The following SNW1 variants were observed in gnomAD, a reference collection of about 807,000 sequenced individuals.
SNW1 encodes SNW domain-containing protein 1.
SNW1 carries 9 observed loss-of-function variants against 75.6 expected under a neutral mutation model. The observed-to-expected ratio is 0.12, with a 90% CI of 0.07 to 0.21. SNW1 has a LOEUF of 0.21. Among genes scored for constraint, SNW1 ranks in the 10% least tolerant of loss-of-function variants. The pLI is 1.00. For synonymous variants in SNW1, 200 were observed against 219.1 expected, an observed-to-expected ratio of 0.91 and a Z score of 0.77; for missense variants, 409 against 670.9, an observed-to-expected ratio of 0.61 and a Z score of 4.31.
chr14:77,724,613 G>A (rs926951611), intron 10 of SNW1, among the ~76,000 whole-genome samples: 1 of 152,118 alleles, frequency 6.6e-6, no homozygotes, highest in Non-Finnish European at 1.5e-5. Context: ...TTCAGTATTC[G>A]TTTTTCTGTG....
intron 5 of SNW1, 72 bp from the exon 6 acceptor site, chr14:77,737,147 A>G (rs1448209282): frequency 8.5e-6 from 9 of 1,062,964 alleles, no homozygotes; most frequent in African/African-American, 6.3e-5. Context: ...TTCTATTACA[A>G]TCTTAAGCTA....
chr14:77,752,807 T>C (rs2080818671), intron 2 of SNW1, among the ~76,000 whole-genome samples: 2 of 152,224 alleles, frequency 1.3e-5, no homozygotes, highest in African/African-American at 4.8e-5. Flanking sequence ...CTCCGTTAGA[T>C]CTAAGATATA....
At chr14:77,754,859 C>A in intron 2 of SNW1, 108 bp downstream of exon 2, 2 of 989,924 alleles carry the variant, frequency 2.0e-6, no homozygotes, top group Non-Finnish European at 2.9e-6. Flanking sequence ...GAATTTCTAT[C>A]ACACTGACAT....
At chr14:77,738,701 T>A in intron 5 of SNW1, 77 bp downstream of exon 5, 1 of 958,584 alleles carries the variant, frequency 1.0e-6, no homozygotes, top group South Asian at 1.4e-5. Context: ...GCTAAGTGGG[T>A]TAGTGAAAGA....
chr14:77,738,054 C>T (rs553834739), intron 5 of SNW1, among the ~76,000 whole-genome samples: 1 of 150,742 alleles, frequency 6.6e-6, no homozygotes, highest in South Asian at 2.1e-4. Flanking sequence ...CCTATAATCC[C>T]AGCACTTTGG....
chr14:77,747,953 G>A lies in SNW1; in HGVS notation c.330+3366C>T, dbSNP rs557106248. The stretch of plus-strand genomic sequence containing the variant: ...GAGAACAGGCCATGATGACGATGGC[G>A]GTTTTGTCGAATGGAGAGGGGGGAA... On this transcript the variant is annotated intron_variant, in intron 3 of 13. Transcript: ENST00000261531. Among the ~76,000 whole-genome samples, 45 of 152,346 alleles carry A rather than the reference G, an allele frequency of 3.0e-4. No individual in the cohort carries two copies. The East Asian group carries it at 6.4e-3, about 22-fold the overall frequency.
At chr14:77,757,351 G>A (rs2080848887) in intron 1 of SNW1, among the ~76,000 whole-genome samples, 1 of 152,172 alleles carries the variant, frequency 6.6e-6, no homozygotes, top group African/African-American at 2.4e-5. Flanking sequence ...TGATGGCTAG[G>A]CTCAGAATTC....
intron 3 of SNW1, among the ~76,000 whole-genome samples, chr14:77,750,293 G>T (rs2080797330): frequency 1.3e-5 from 2 of 152,196 alleles, no homozygotes; most frequent in African/African-American, 4.8e-5. Flanking sequence ...CGAGGAAAAA[G>T]GACAAGTGCA....
chr14:77,754,973 T>C lies in SNW1; in HGVS notation c.162A>G (p.Leu54=). Residue 54 remains leucine (L), a synonymous_variant, in exon 2 of 14, where the codon TTA becomes TTG. Coordinates refer to ENST00000261531, the MANE Select transcript of SNW1 (RefSeq NM_012245.3). ...ACTTAAGATCTATATGTACCTCTAA[T>C]AACCGAGGTATCCAGCCTTTCCGGT... ...YGYRKGWIPR[L]LEDFGDGGAF... 3 of 1,594,958 alleles carry C rather than the reference T, an allele frequency of 1.9e-6. No homozygotes were observed. The highest frequency in any genetic ancestry group is 1.3e-5 in the African/African-American group (1 of 74,432).
At chr14:77,757,977 T>C (rs1172521173) in intron 1 of SNW1, among the ~76,000 whole-genome samples, 6 of 42,178 alleles carry the variant, frequency 1.4e-4, no homozygotes, top group Admixed American at 1.3e-3. Context: ...TCACAATTTT[T>C]CTCTATTGCA....
rs970075579 is a variant in SNW1 at position 77,755,031 on chromosome 14, A to G, written c.104T>C (p.Val35Ala). 3.1e-6 allele frequency: 5 copies of G among 1,611,780 alleles called. No individual in the cohort carries two copies. Among genetic ancestry groups the G allele is most frequent in the African/African-American group, 2.7e-5 (2 of 74,870 alleles). Residue 35 changes from valine (V) to alanine (A), a missense_variant, in exon 2 of 14, where the codon GTC becomes GCC. Transcript: ENST00000261531. The part of the protein sequence containing the change: ...RSQRSRQTSL[V>A]SSRREPPPYG... ...CGGGGGAGGTTCTCTTCGGGAGGAG[A>G]CCAGTGAGGTCTGCCGTGATCTCTG...
chr14:77,750,144 T>C (rs1317984949), intron 3 of SNW1, among the ~76,000 whole-genome samples: 2 of 152,182 alleles, frequency 1.3e-5, no homozygotes, highest in African/African-American at 4.8e-5. Context: ...GAGGCTTCAG[T>C]GAGCCATCAT....
At chr14:77,757,902 CATCAA>C (rs571604704) in intron 1 of SNW1, among the ~76,000 whole-genome samples, 675 of 151,172 alleles carry the variant, frequency 4.5e-3, no homozygotes, top group Middle Eastern at 0.024. Flanking sequence ...TTCCTTCTGC[CATCAA>C]ATCAATCTAA....
intron 10 of SNW1, 161 bp downstream of exon 10, chr14:77,730,827 C>T (rs182435693): frequency 3.2e-4 from 229 of 706,344 alleles, no homozygotes; most frequent in Non-Finnish European, 4.3e-4. Context: ...GTTGCTTCAG[C>T]TTACTAAGGC....
rs1404206181 is a variant in SNW1 at position 77,756,612 on chromosome 14, G to A, written c.15-1492C>T. Reference sequence around the variant, plus strand: ...AAAACTTAGAGGCCAGGCCAGCCATGGTGGCTCACACCTGTAATCCCAGCA... The same window carrying A: ...AAAACTTAGAGGCCAGGCCAGCCATAGTGGCTCACACCTGTAATCCCAGCA... On this transcript the variant is annotated intron_variant, in intron 1 of 13. Transcript: ENST00000261531. 2.0e-5 allele frequency among the ~76,000 whole-genome samples: 3 copies of A among 152,306 alleles called. No homozygotes were observed. In the East Asian group the frequency reaches 5.8e-4, roughly 29 times the overall value.
At chr14:77,759,918 G>A (rs556193200) in intron 1 of SNW1, among the ~76,000 whole-genome samples, 5 of 151,554 alleles carry the variant, frequency 3.3e-5, no homozygotes, top group Non-Finnish European at 7.4e-5. Flanking sequence ...AAGAATTCAA[G>A]ACCAACCTGG....
chr14:77,739,107 A>T, intron 3 of SNW1, 46 bp from the exon 4 acceptor site: 1 of 1,400,596 alleles, frequency 7.1e-7, no homozygotes, highest in Non-Finnish European at 1.0e-6. Flanking sequence ...CAAACAACGA[A>T]AAGAAACCTC....
chr14:77,755,744 CTT>C (rs61404145), intron 1 of SNW1, among the ~76,000 whole-genome samples: 4 of 144,122 alleles, frequency 2.8e-5, no homozygotes, highest in Non-Finnish European at 1.5e-5. Flanking sequence ...TATTTCTTTC[CTT>C]TTTTTTTTTT....
rs571130787 is a variant in SNW1, at chr14:77,718,447, G to C, written c.1332C>G (p.Ala444=). Reference sequence around the variant, plus strand: ...TTTTACTGGGCCTATAAATACTCTGGGCCATATCTTTACCACCTCTCCAGG... The same window carrying C: ...TTTTACTGGGCCTATAAATACTCTGCGCCATATCTTTACCACCTCTCCAGG... ...DQAWRGGKDM[A]QSIYRPSKNL... The change falls in exon 13 of 14, where the codon GCC becomes GCG. Residue 444 remains alanine, a synonymous_variant. Coordinates refer to ENST00000261531, the MANE Select transcript of SNW1 (RefSeq NM_012245.3). The C allele has an allele frequency of 3.1e-6, 5 of 1,613,854 alleles. No individual in the cohort carries two copies. The Admixed American group carries it at 6.7e-5, about 22-fold the overall frequency.
Sources: gnomAD v4.1 joint callset for allele counts (sites outside exome capture counted in the v4.1 genomes callset) on GRCh38, gnomAD v4.1.1 for gene constraint, MANE v1.5 for transcripts, NCBI Gene and HGNC (gene_info 2026-07-23, HGNC 2026-07-21) for gene names.